Variants in KLHL1 observed in about 807,000 individuals in gnomAD.
KLHL1 encodes kelch like family member 1.
Under a neutral mutation model 77.7 loss-of-function variants are expected in KLHL1, and 47 were observed. The ratio of observed to expected loss-of-function variants is 0.60; its 90% CI spans 0.48 to 0.77. The LOEUF (loss-of-function observed/expected upper bound fraction) is 0.77. KLHL1 is among the 30% of genes least tolerant of loss of function. The pLI, the probability that KLHL1 is intolerant of heterozygous loss-of-function variation, is 0.00. For missense variants in KLHL1, 925 were observed against 910.8 expected (o/e 1.02, Z -0.20); for synonymous variants, 360 against 325.2 (o/e 1.11, Z -1.15).
chr13:69,999,927 C>T (rs1446991597), intron 1 of KLHL1, among the ~76,000 whole-genome samples: 1 of 151,916 alleles, frequency 6.6e-6, no homozygotes, highest in African/African-American at 2.4e-5. Context: ...CTCCAAATCT[C>T]ATATTAAACT....
intron 3 of KLHL1, among the ~76,000 whole-genome samples, chr13:69,941,312 C>T (rs1883359111): frequency 6.6e-6 from 1 of 151,904 alleles, no homozygotes; most frequent in Admixed American, 6.6e-5. Flanking sequence ...CAAAACTATA[C>T]AAATGCATGG....
At chr13:69,710,247 T>C (rs1267165651) in intron 9 of KLHL1, among the ~76,000 whole-genome samples, 1 of 151,764 alleles carries the variant, frequency 6.6e-6, no homozygotes, top group African/African-American at 2.4e-5. Flanking sequence ...TTTTGATACA[T>C]ATTTAAAAAA....
At chr13:69,757,318 C>T (rs148207075) in intron 7 of KLHL1, among the ~76,000 whole-genome samples, 1 of 151,762 alleles carries the variant, frequency 6.6e-6, no homozygotes, top group African/African-American at 2.4e-5. Flanking sequence ...ATTTCTGTGG[C>T]CAAAATAATT....
chr13:69,858,664 A>G (rs572554159), intron 5 of KLHL1, among the ~76,000 whole-genome samples: 37 of 152,220 alleles, frequency 2.4e-4, no homozygotes, highest in African/African-American at 8.2e-4. Flanking sequence ...ACATGTAGCT[A>G]TAAGAAAATA....
At chr13:69,995,140 C>T (rs896020820) in intron 1 of KLHL1, among the ~76,000 whole-genome samples, 2 of 152,054 alleles carry the variant, frequency 1.3e-5, no homozygotes, top group African/African-American at 2.4e-5. Context: ...TTTTTGGTTT[C>T]TTTTGACAAC....
intron 1 of KLHL1, among the ~76,000 whole-genome samples, chr13:70,085,506 T>C (rs9572358): frequency 0.26 from 40,149 of 151,716 alleles, 5,543 homozygotes; most frequent in Admixed American, 0.31. Flanking sequence ...ATGTTTAATT[T>C]TTTTATATTT....
chr13:70,104,523 A>G (rs948824137), intron 1 of KLHL1, among the ~76,000 whole-genome samples: 1 of 152,196 alleles, frequency 6.6e-6, no homozygotes, highest in Non-Finnish European at 1.5e-5. Flanking sequence ...GCAATGTTCT[A>G]ACTAGTATAA....
At chr13:69,937,983 C>T (rs147348570) in intron 4 of KLHL1, among the ~76,000 whole-genome samples, 13 of 151,624 alleles carry the variant, frequency 8.6e-5, no homozygotes, top group Non-Finnish European at 2.9e-5. Flanking sequence ...TTCTATCCCA[C>T]GTGTAGTAGA....
chr13:70,038,880 T>C (rs1011755340), intron 1 of KLHL1, among the ~76,000 whole-genome samples: 3 of 151,754 alleles, frequency 2.0e-5, no homozygotes, highest in African/African-American at 7.3e-5. Flanking sequence ...CGTGAGCCAC[T>C]GCGCCCGGCC....
chr13:69,773,853 A>T (rs1875694324), intron 7 of KLHL1, among the ~76,000 whole-genome samples: 1 of 145,412 alleles, frequency 6.9e-6, no homozygotes, highest in Non-Finnish European at 1.5e-5. Context: ...CACCCAGAGA[A>T]AGTCCTTGGC....
chr13:69,869,204 A>G (rs1880487937), intron 5 of KLHL1, among the ~76,000 whole-genome samples: 1 of 152,168 alleles, frequency 6.6e-6, no homozygotes, highest in Admixed American at 6.6e-5. Flanking sequence ...AGCCTAAAAT[A>G]ATTTTCTGAT....
chr13:69,978,579 C>T (rs886387201), intron 1 of KLHL1, among the ~76,000 whole-genome samples: 9 of 151,438 alleles, frequency 5.9e-5, no homozygotes, highest in Admixed American at 5.3e-4. Flanking sequence ...CTCTGCCCCC[C>T]GGGTTCAAGT....
chr13:70,074,079 G>A (rs9564647), intron 1 of KLHL1, among the ~76,000 whole-genome samples: 29,695 of 151,908 alleles, frequency 0.2, 3,095 homozygotes, highest in Admixed American at 0.27. Context: ...CGCCCACCTC[G>A]GCCTCCCAAA....
intron 1 of KLHL1, 23 bp from the exon 2 acceptor site, chr13:69,975,825 C>T: frequency 3.3e-6 from 5 of 1,537,804 alleles, no homozygotes; most frequent in Non-Finnish European, 2.6e-6. Flanking sequence ...CACACACACA[C>T]ACACACACAA....
intron 3 of KLHL1, among the ~76,000 whole-genome samples, chr13:69,953,444 C>A (rs1013406281): frequency 1.3e-5 from 2 of 150,950 alleles, no homozygotes; most frequent in Non-Finnish European, 3.0e-5. Context: ...AACTCTAGAT[C>A]TAGTAGAAAA....
chr13:69,823,157 A>C (rs923418336), intron 6 of KLHL1, among the ~76,000 whole-genome samples: 1 of 151,912 alleles, frequency 6.6e-6, no homozygotes, highest in Non-Finnish European at 1.5e-5. Flanking sequence ...TGCATCCATC[A>C]TTTATTGAAT....
chr13:69,727,994 T>TC (rs1409810059), intron 8 of KLHL1, among the ~76,000 whole-genome samples: 2 of 152,114 alleles, frequency 1.3e-5, no homozygotes, highest in South Asian at 2.1e-4. Context: ...TTGGAATGAT[T>TC]CCCCCCATCA....
At chr13:69,704,332 A>G (rs1875532567) in intron 10 of KLHL1, among the ~76,000 whole-genome samples, 1 of 151,652 alleles carries the variant, frequency 6.6e-6, no homozygotes, top group South Asian at 2.1e-4. Flanking sequence ...AGCCCTCTAA[A>G]TATCTCTCCA....
chr13:70,037,069 G>C (rs955825479), intron 1 of KLHL1, among the ~76,000 whole-genome samples: 1 of 151,576 alleles, frequency 6.6e-6, no homozygotes, highest in African/African-American at 2.4e-5. Flanking sequence ...TAACCTTAGG[G>C]TATTTTCACT....
Sources: gnomAD v4.1 joint callset for allele counts (sites outside exome capture counted in the v4.1 genomes callset) on GRCh38, gnomAD v4.1.1 for gene constraint, MANE v1.5 for transcripts, NCBI Gene and HGNC (gene_info 2026-07-23, HGNC 2026-07-21) for gene names.